The following PTPRN2 variants were observed in gnomAD, a reference collection of about 807,000 sequenced individuals.
The protein encoded by PTPRN2 is receptor-type tyrosine-protein phosphatase N2.
PTPRN2 carries 74 observed loss-of-function variants against 118.8 expected under a neutral mutation model. The ratio of observed to expected loss-of-function variants is 0.62; its 90% confidence interval spans 0.52 to 0.76. The LOEUF (loss-of-function observed/expected upper bound fraction) is 0.76, where lower values mean the gene tolerates loss of function less well. PTPRN2 is among the 30% of genes least tolerant of loss of function. The pLI is 0.00. For missense variants in PTPRN2, 1,481 were observed against 1,394.4 expected, an observed-to-expected ratio of 1.06 and a Z score of -0.99; for synonymous variants, 641 against 608.0, an observed-to-expected ratio of 1.05 and a Z score of -0.80.
chr7:158,521,266 C>A (rs1823972913), intron 1 of PTPRN2, among the ~76,000 whole-genome samples: 1 of 152,160 alleles, frequency 6.6e-6, no homozygotes. Context: ...TATTCTTGCC[C>A]AAAGGGACCT....
At chr7:157,994,574 A>AGCTCCTTGTTCCT (rs1209339550) in intron 11 of PTPRN2, among the ~76,000 whole-genome samples, 7 of 98,504 alleles carry the variant, frequency 7.1e-5, no homozygotes, top group African/African-American at 2.4e-4. Flanking sequence ...CCCAGCTTAC[A>AGCTCCTTGTTCCT]ACTCCTTGTT....
Position 158,303,646 on chromosome 7 carries a change from A to C in PTPRN2, c.277+13173T>G, listed in dbSNP as rs116899847. Among the ~76,000 whole-genome samples, 323 of 152,342 alleles carry C rather than the reference A, an allele frequency of 2.1e-3. 1 individual carries two copies. The highest frequency in any genetic ancestry group is 6.8e-3 in the Middle Eastern group (2 of 294). On this transcript the variant is annotated intron_variant, in intron 3 of 22. Transcript: ENST00000389418. ...TTGGTATATAAAACAAGCTTCAGAG[A>C]GTGTTAGTCCCATTTTATTCATGGA...
intron 12 of PTPRN2, among the ~76,000 whole-genome samples, chr7:157,807,976 G>A (rs913275470): frequency 6.6e-6 from 1 of 152,240 alleles, no homozygotes; most frequent in Non-Finnish European, 1.5e-5. Context: ...TAAGCACTGT[G>A]AGCTGAGATC....
At chr7:158,189,977 G>A (rs140235089) in intron 5 of PTPRN2, among the ~76,000 whole-genome samples, 147 of 152,354 alleles carry the variant, frequency 9.6e-4, no homozygotes, top group Middle Eastern at 3.4e-3. Flanking sequence ...ACAGGTGTGC[G>A]GAGGGAATAT....
chr7:158,391,278 C>T (rs899205288), intron 2 of PTPRN2, among the ~76,000 whole-genome samples: 5 of 152,218 alleles, frequency 3.3e-5, no homozygotes, highest in South Asian at 2.1e-4. Context: ...TGTGAGCCCA[C>T]GCCATCCCTC....
chr7:158,102,069 G>A (rs893941813), intron 10 of PTPRN2, among the ~76,000 whole-genome samples: 13 of 152,254 alleles, frequency 8.5e-5, no homozygotes, highest in African/African-American at 2.6e-4. Flanking sequence ...GCCCCAGATC[G>A]CAAACTGGAC....
chr7:157,765,406 G>A (rs573956291), intron 12 of PTPRN2, among the ~76,000 whole-genome samples: 8 of 132,400 alleles, frequency 6.0e-5, no homozygotes, highest in African/African-American at 1.2e-4. Flanking sequence ...TCCCTCATCC[G>A]TACAACCCAT....
intron 3 of PTPRN2, among the ~76,000 whole-genome samples, chr7:158,251,678 G>GT: frequency 6.6e-6 from 1 of 150,596 alleles, no homozygotes; most frequent in Non-Finnish European, 1.5e-5. Flanking sequence ...GATGTCTATG[G>GT]TGCACGTGTG....
rs112850367 is a variant in PTPRN2 at position 158,202,966 on chromosome 7, G to T, written c.380+2205C>A. The stretch of plus-strand genomic sequence containing the variant: ...ATTCCAATCTCGGCCAGATGTGGTG[G>T]CTCATGCCTGTAATCCTAGCACTCT... On this transcript the variant is annotated intron_variant, in intron 4 of 22. Transcript: ENST00000389418. 3.6e-3 allele frequency among the ~76,000 whole-genome samples: 550 copies of T among 152,190 alleles called. 3 individuals carry two copies. The highest frequency in any genetic ancestry group is 0.013 in the African/African-American group (520 of 41,530).
chr7:158,550,209 G>A (rs554300910), intron 1 of PTPRN2, among the ~76,000 whole-genome samples: 1 of 152,350 alleles, frequency 6.6e-6, no homozygotes, highest in South Asian at 2.1e-4. Context: ...ACTGCCCGCC[G>A]GCTGAGCCCA....
At chr7:158,417,452 C>T (rs1160342912) in intron 2 of PTPRN2, among the ~76,000 whole-genome samples, 1 of 149,124 alleles carries the variant, frequency 6.7e-6, no homozygotes, top group Non-Finnish European at 1.5e-5. Flanking sequence ...CTTTCAGTGT[C>T]CCGCTGTGTT....
chr7:158,490,001 C>T (rs978628046), intron 1 of PTPRN2, among the ~76,000 whole-genome samples: 6 of 152,218 alleles, frequency 3.9e-5, no homozygotes, highest in Admixed American at 3.9e-4. Flanking sequence ...AGTCCCGGAG[C>T]CCAGCTCTCA....
rs554249717 is a variant in PTPRN2, at chr7:157,917,653, T to C, written c.1724-18916A>G. Among the ~76,000 whole-genome samples, 1,227 of 152,338 alleles carry C rather than the reference T, an allele frequency of 8.1e-3. 30 individuals are homozygous for C. The highest frequency in any genetic ancestry group is 0.028 in the African/African-American group (1,173 of 41,566). ...TATCAACATTTCAGTTTTCAATTGT[T>C]CAAATGATTTTTTTTCAGTCTGCCT... On this transcript the variant is annotated intron_variant, in intron 11 of 22. Transcript: ENST00000389418.
intron 14 of PTPRN2, among the ~76,000 whole-genome samples, chr7:157,644,663 C>T (rs989626301): frequency 2.6e-5 from 4 of 152,126 alleles, no homozygotes; most frequent in African/African-American, 9.7e-5. Context: ...GGCGTGGTGG[C>T]TAACGCCTAT....
chr7:157,576,798 G>T lies in PTPRN2; in HGVS notation c.2617-19C>A, dbSNP rs76994493. The T allele has an allele frequency of 2.6e-4, 408 of 1,582,032 alleles. 2 individuals carry two copies. The South Asian group carries it at 4.4e-3, about 17-fold the overall frequency. On this transcript the variant is annotated intron_variant, in intron 18 of 22. Coordinates refer to ENST00000389418, the MANE Select transcript of PTPRN2 (RefSeq NM_002847.5). ...GGTTCACCTGGCAGGGAGGAGCGGA[G>T]GGAGGGGACAGAGACAGGTGTGGAC...
intron 12 of PTPRN2, among the ~76,000 whole-genome samples, chr7:157,756,352 T>C (rs953714401): frequency 6.6e-6 from 1 of 151,892 alleles, no homozygotes; most frequent in Non-Finnish European, 1.5e-5. Context: ...TGGAGTGCAG[T>C]GGCGCGATCT....
At chr7:158,071,050 CAT>C (rs1811390724) in intron 11 of PTPRN2, among the ~76,000 whole-genome samples, 1 of 56,672 alleles carries the variant, frequency 1.8e-5, no homozygotes. Context: ...TGGAGGTGCT[CAT>C]GGTGGTGGAG....
Position 157,611,377 on chromosome 7 carries a change from G to A in PTPRN2, c.2345-7302C>T, listed in dbSNP as rs1023592681. 3.3e-5 allele frequency among the ~76,000 whole-genome samples: 5 copies of A among 152,152 alleles called. No homozygotes were observed. The highest frequency in any genetic ancestry group is 5.9e-5 in the Non-Finnish European group (4 of 68,040). ...TAGTCTCATCTCAGGCATCTGTGTA[G>A]AAGGAACTCCCCAGGCAGGGCTATG... On this transcript the variant is annotated intron_variant, in intron 15 of 22. Transcript: ENST00000389418. This position sits in a 1 kb window ranked among gnomAD's most constrained non-coding sequence, Gnocchi z 5.9.
At chr7:158,336,486 A>T (rs1586344400) in intron 2 of PTPRN2, among the ~76,000 whole-genome samples, 1 of 130,874 alleles carries the variant, frequency 7.6e-6, no homozygotes, top group African/African-American at 2.8e-5. Context: ...ATAAGAGCTG[A>T]CGCCCGCAGA....
Sources: gnomAD v4.1 joint callset for allele counts (sites outside exome capture counted in the v4.1 genomes callset) on GRCh38, gnomAD v4.1.1 for gene constraint, Gnocchi (gnomAD v3.1) non-coding constraint, MANE v1.5 for transcripts, NCBI Gene and HGNC (gene_info 2026-07-23, HGNC 2026-07-21) for gene names.